The following PREP variants were observed in gnomAD, a reference collection of about 807,000 sequenced individuals.
The protein encoded by PREP is prolyl endopeptidase.
A neutral mutation model predicts 87.6 loss-of-function variants in PREP; 29 were observed. That is an observed-to-expected ratio of 0.33 (90% CI 0.25 to 0.45). The LOEUF (loss-of-function observed/expected upper bound fraction) is 0.45, where lower values mean the gene tolerates loss of function less well. Ranked by LOEUF, PREP falls within the 20% of genes least tolerant of loss-of-function variation. PREP has a pLI of 1.00. For synonymous variants in PREP, 337 were observed against 328.6 expected, an observed-to-expected ratio of 1.03 and a Z score of -0.28; for missense variants, 695 against 886.5, an observed-to-expected ratio of 0.78 and a Z score of 2.74.
chr6:105,396,340 G>A (rs1306955700), intron 2 of PREP, among the ~76,000 whole-genome samples: 1 of 152,232 alleles, frequency 6.6e-6, no homozygotes, highest in Admixed American at 6.5e-5. Context: ...GCAAAGGAGA[G>A]ACACTACTCA....
intron 14 of PREP, among the ~76,000 whole-genome samples, chr6:105,279,397 C>T (rs1015680573): frequency 2.0e-5 from 3 of 152,158 alleles, no homozygotes; most frequent in Non-Finnish European, 4.4e-5. Flanking sequence ...TTTTGACCAG[C>T]CCCATTCTTC....
chr6:105,353,039 C>T lies in PREP; in HGVS notation c.756G>A (p.Arg252=), dbSNP rs1450829901. 1 of 1,613,842 alleles carries T rather than the reference C, an allele frequency of 6.2e-7. No homozygotes were observed. Among genetic ancestry groups the T allele is most frequent in the Admixed American group, 1.7e-5 (1 of 60,014 alleles). ...DDGRYVLLSI[R]EGCDPVNRLW... ...GTCGGTTTACTGGATCACATCCTTC[C>T]CTTATTGATAACAAGACATAGCGGC... The change falls in exon 7 of 15, where the codon AGG becomes AGA. Residue 252 remains arginine, a synonymous_variant. Coordinates refer to ENST00000652536, the MANE Select transcript of PREP (RefSeq NM_002726.5).
rs764334281 is a variant in PREP, at chr6:105,282,602, A to G, written c.1550-20T>C. 8 of 1,604,496 alleles carry G rather than the reference A, an allele frequency of 5.0e-6. No homozygotes were observed. Among genetic ancestry groups the G allele is most frequent in the Non-Finnish European group, 6.8e-6 (8 of 1,177,424 alleles). ...TACCACCTACAGTGTGCCAAAGTGGAAGATAGTTAATTAACAAAACATAAA... is the reference window on the plus strand; with the variant it reads ...TACCACCTACAGTGTGCCAAAGTGGGAGATAGTTAATTAACAAAACATAAA... On this transcript the variant is annotated intron_variant, in intron 12 of 14. Coordinates refer to ENST00000652536, the MANE Select transcript of PREP (RefSeq NM_002726.5).
chr6:105,304,067 T>C lies in PREP; in HGVS notation c.1318-15173A>G, dbSNP rs936690783. On this transcript the variant is annotated intron_variant, in intron 10 of 14. Transcript: ENST00000652536. Reference sequence around the variant, plus strand: ...CTATACAGTTGGCTCTCTACATCCATGGGATTCACATCTGCAGAGTCAACC... The same window carrying C: ...CTATACAGTTGGCTCTCTACATCCACGGGATTCACATCTGCAGAGTCAACC... Among the ~76,000 whole-genome samples, 4 of 152,234 alleles carry C rather than the reference T, an allele frequency of 2.6e-5. No individual in the cohort carries two copies. The South Asian group carries it at 8.3e-4, about 32-fold the overall frequency.
Position 105,369,042 on chromosome 6 carries a change from G to A in PREP, c.596-18C>T. ...CTCTGTGCCTGAAGGAGTTAAAAATGTACACTGAAATGTACTTGATAATTT... is the reference window on the plus strand; with the variant it reads ...CTCTGTGCCTGAAGGAGTTAAAAATATACACTGAAATGTACTTGATAATTT... On this transcript the variant is annotated intron_variant, in intron 5 of 14. Coordinates refer to ENST00000652536, the MANE Select transcript of PREP (RefSeq NM_002726.5). 2 of 1,612,836 alleles carry A rather than the reference G, an allele frequency of 1.2e-6. No individual in the cohort carries two copies. The highest frequency in any genetic ancestry group is 1.7e-6 in the Non-Finnish European group (2 of 1,179,092).
At position 105,285,553 on chromosome 6, in the gene PREP, G is replaced by A. The variant is rs1271009387; in HGVS notation, c.1482C>T (p.His494=). Residue 494 remains histidine, a synonymous_variant, in exon 12 of 15, where the codon CAC becomes CAT. Transcript: ENST00000652536. ...TGGCCACTGCCAGGATACCACCCAT[G>A]TGTCTCACAAAAATAAGCCTGGAAA... The part of the protein sequence containing the change: ...YSVSRLIFVR[H]MGGILAVANI... 1.2e-6 allele frequency: 2 copies of A among 1,614,030 alleles called. No individual in the cohort carries two copies. Among genetic ancestry groups the A allele is most frequent in the Non-Finnish European group, 1.7e-6 (2 of 1,179,968 alleles).
At chr6:105,385,327 C>G (rs1230995759) in intron 2 of PREP, among the ~76,000 whole-genome samples, 1 of 143,238 alleles carries the variant, frequency 7.0e-6, no homozygotes, top group Non-Finnish European at 1.5e-5. Flanking sequence ...TTAGCCAAAG[C>G]TCTGGCTAAA....
chr6:105,353,866 C>CAACT (rs1240309224), intron 6 of PREP, among the ~76,000 whole-genome samples: 3 of 150,980 alleles, frequency 2.0e-5, no homozygotes, highest in African/African-American at 7.3e-5. Context: ...TTCTACTGAA[C>CAACT]AACTGCTTAT....
At chr6:105,377,927 C>G (rs1772730453) in intron 2 of PREP, among the ~76,000 whole-genome samples, 1 of 152,186 alleles carries the variant, frequency 6.6e-6, no homozygotes. Context: ...GATCCACGCT[C>G]CTAACAAACA....
chr6:105,279,930 A>G (rs1770042681), intron 14 of PREP, among the ~76,000 whole-genome samples: 1 of 152,222 alleles, frequency 6.6e-6, no homozygotes, highest in Non-Finnish European at 1.5e-5. Flanking sequence ...TCTAAGTTAG[A>G]TATTCCTTCT....
rs74976883 is a variant in PREP, at chr6:105,387,661, A to G, written c.121-10142T>C. Among the ~76,000 whole-genome samples the G allele has an allele frequency of 5.7e-3, 875 of 152,294 alleles. 11 individuals are homozygous for G. Among genetic ancestry groups the G allele is most frequent in the African/African-American group, 0.02 (839 of 41,550 alleles). ...AGAAAAAGAAAAAGAAAGAAAAAGAAAAAGTCGCAAAAAAAAATCTCATAA... is the reference window on the plus strand; with the variant it reads ...AGAAAAAGAAAAAGAAAGAAAAAGAGAAAGTCGCAAAAAAAAATCTCATAA... On this transcript the variant is annotated intron_variant, in intron 2 of 14. Coordinates refer to ENST00000652536, the MANE Select transcript of PREP (RefSeq NM_002726.5).
intron 10 of PREP, among the ~76,000 whole-genome samples, chr6:105,289,389 T>A (rs1770250039): frequency 6.6e-6 from 1 of 152,220 alleles, no homozygotes; most frequent in South Asian, 2.1e-4. Context: ...AATGTTAAGA[T>A]GCTCAAGACG....
At chr6:105,377,671 C>T in intron 2 of PREP, 152 bp from the exon 3 acceptor site, 2 of 777,542 alleles carry the variant, frequency 2.6e-6, no homozygotes, top group Non-Finnish European at 4.2e-6. Context: ...CCTTACTCTT[C>T]TTCATACCTG....
At chr6:105,348,049 G>C (rs1429397333) in intron 7 of PREP, among the ~76,000 whole-genome samples, 1 of 152,086 alleles carries the variant, frequency 6.6e-6, no homozygotes, top group Non-Finnish European at 1.5e-5. Context: ...AAGGATCATA[G>C]GAGTCAAGAC....
intron 10 of PREP, chr6:105,302,395 A>T (rs964477764): frequency 4.5e-6 from 1 of 222,074 alleles, no homozygotes; most frequent in Non-Finnish European, 9.0e-6. Flanking sequence ...TTGCATATTA[A>T]ATACACACTT....
At chr6:105,323,230 G>C in intron 10 of PREP, 3 of 851,490 alleles carry the variant, frequency 3.5e-6, no homozygotes, top group Middle Eastern at 5.3e-4. Flanking sequence ...TGTCTACTCT[G>C]TGTCATGCAG....
chr6:105,347,928 A>G (rs1156481571), intron 7 of PREP, among the ~76,000 whole-genome samples: 1 of 152,214 alleles, frequency 6.6e-6, no homozygotes, highest in Non-Finnish European at 1.5e-5. Context: ...ACTTCAAAAT[A>G]AATAATATTG....
intron 6 of PREP, among the ~76,000 whole-genome samples, chr6:105,358,826 G>T (rs1293645830): frequency 6.6e-6 from 1 of 152,070 alleles, no homozygotes; most frequent in African/African-American, 2.4e-5. Flanking sequence ...TTGGTTAAGG[G>T]TACTTGGTTA....
chr6:105,299,660 C>T (rs1043256553), intron 10 of PREP, among the ~76,000 whole-genome samples: 1 of 152,200 alleles, frequency 6.6e-6, no homozygotes, highest in African/African-American at 2.4e-5. Flanking sequence ...CAAGGTCTCC[C>T]AAGTCCCTGT....
Sources: allele counts gnomAD v4.1 joint callset (sites outside exome capture counted in the v4.1 genomes callset), GRCh38; gene constraint gnomAD v4.1.1; transcripts MANE v1.5; gene names NCBI Gene and HGNC (gene_info 2026-07-23, HGNC 2026-07-21).